Variants in ORMDL1 observed in about 807,000 individuals in gnomAD.
ORMDL1 encodes ORMDL sphingolipid biosynthesis regulator 1, also known as ORM1-like protein 1.
ORMDL1 carries 10 observed loss-of-function variants against 13.0 expected under a neutral mutation model. The ratio of observed to expected loss-of-function variants is 0.77; its 90% CI spans 0.47 to 1.30. ORMDL1 has a LOEUF of 1.30. Among genes scored for constraint, ORMDL1 ranks in the 50% most tolerant of loss-of-function variants. ORMDL1 has a pLI of 0.00. For missense variants in ORMDL1, 171 were observed against 186.7 expected (o/e 0.92, Z 0.49); for synonymous variants, 61 against 63.9 (o/e 0.95, Z 0.22).
rs772014917 is a variant in ORMDL1, at chr2:189,782,615, A to G, written c.-7-13T>C. On this transcript the variant is annotated splice_polypyrimidine_tract_variant and intron_variant, in intron 2 of 4. Coordinates refer to ENST00000392349, the MANE Select transcript of ORMDL1 (RefSeq NM_016467.5). ...GTTCATGTTTGCTCTGTAGGAAGTA[A>G]TGAAATGAATCAACACTGATACAAC... 6.2e-7 allele frequency: 1 copy of G among 1,609,570 alleles called. No homozygotes were observed. The highest frequency in any genetic ancestry group is 1.7e-5 in the Admixed American group (1 of 59,836).
the ORMDL1 span, chr2:189,763,940 G>A: frequency 6.6e-6 from 1 of 152,160 alleles, no homozygotes; most frequent in Non-Finnish European, 1.5e-5. Context: ...GTGGCACTAT[G>A]TACCAGGCAC....
chr2:189,773,943 G>A (rs1022803911), intron 4 of ORMDL1: 7 of 152,102 alleles, frequency 4.6e-5, no homozygotes, highest in African/African-American at 1.7e-4. Flanking sequence ...GTACATCTCA[G>A]TTGGCTTTTT....
At chr2:189,775,836 T>G in intron 3 of ORMDL1, 120 bp from the exon 4 acceptor site, 1 of 886,562 alleles carries the variant, frequency 1.1e-6, no homozygotes. Context: ...GAGTTCGTTT[T>G]AAGCTTTCAT....
In ORMDL1 at chr2:189,775,692, C is replaced by G. The variant is rs2047679019; in HGVS notation, c.199G>C (p.Val67Leu). The change falls in exon 4 of 5, where the codon GTG becomes CTG. Residue 67 changes from valine (V) to leucine (L), a missense_variant. By Grantham distance (32) the Val-to-Leu change is conservative (BLOSUM62 1). Coordinates refer to ENST00000392349, the MANE Select transcript of ORMDL1 (RefSeq NM_016467.5). ...GGAGTTTCGAAAGGTGTTCCTTTCACTGCATGCAAAAATACGTACATCCCC... is the reference window on the plus strand; with the variant it reads ...GGAGTTTCGAAAGGTGTTCCTTTCAGTGCATGCAAAAATACGTACATCCCC... ...NLGMYVFLHA[V>L]KGTPFETPDQ... The G allele has an allele frequency of 1.2e-6, 2 of 1,613,118 alleles. No homozygotes were observed. The highest frequency in any genetic ancestry group is 3.3e-5 in the Admixed American group (2 of 59,798).
At chr2:189,778,866 G>C (rs2047758801) in intron 3 of ORMDL1, among the ~76,000 whole-genome samples, 1 of 152,140 alleles carries the variant, frequency 6.6e-6, no homozygotes, top group South Asian at 2.1e-4. Context: ...CTGCACTCCA[G>C]CCTGGATGAC....
chr2:189,779,454 T>C (rs918398367), intron 3 of ORMDL1, among the ~76,000 whole-genome samples: 7 of 152,200 alleles, frequency 4.6e-5, no homozygotes, highest in Non-Finnish European at 1.0e-4. Context: ...AAAGAAAATA[T>C]AGTAGAAAAG....
chr2:189,775,157 G>C (rs1329113326), intron 4 of ORMDL1: 1 of 154,230 alleles, frequency 6.5e-6, no homozygotes, highest in Non-Finnish European at 1.4e-5. Context: ...TCTTTCCCAA[G>C]GAGTCTGAAT....
chr2:189,771,549 T>C lies in ORMDL1; in HGVS notation c.*218A>G. On this transcript the variant is annotated 3_prime_UTR_variant, in exon 5 of 5. Coordinates refer to ENST00000392349, the MANE Select transcript of ORMDL1 (RefSeq NM_016467.5). ...ATAAGCTGGGCCTGCCCAGCCTGCT[T>C]ATAAAGCCCCTCTTCAGAAATGTAC... 1 of 383,498 alleles carries C rather than the reference T, an allele frequency of 2.6e-6. No individual in the cohort carries two copies. The highest frequency in any genetic ancestry group is 4.6e-6 in the Non-Finnish European group (1 of 218,692). 23.8% of individuals were successfully genotyped at this position (383,498 alleles called of 1,614,324 possible).
At chr2:189,778,174 C>A (rs1266804551) in intron 3 of ORMDL1, 6 of 433,780 alleles carry the variant, frequency 1.4e-5, no homozygotes, top group African/African-American at 4.1e-5. Context: ...GCGGGCAGAT[C>A]ACCTGAGGTT....
rs777144857 is a variant in ORMDL1 at position 189,771,843 on chromosome 2, G to A, written c.386C>T (p.Ala129Val). 1 of 1,610,306 alleles carries A rather than the reference G, an allele frequency of 6.2e-7. No individual in the cohort carries two copies. Among genetic ancestry groups the A allele is most frequent in the South Asian group, 1.1e-5 (1 of 90,860 alleles). ...GGGAATTAGTACACTCAGGAGAGAA[G>A]CTGTGTTTAGGATGAAGTGAGTTGG... Reference protein sequence around the residue: ...YDPTHFILNTASLLSVLIPKM... With the variant: ...YDPTHFILNTVSLLSVLIPKM... Residue 129 changes from alanine (A) to valine (V), a missense_variant, in exon 5 of 5, where the codon GCT becomes GTT. Transcript: ENST00000392349.
chr2:189,765,618 G>A (rs1345309657), downstream of ORMDL1: 1 of 152,116 alleles, frequency 6.6e-6, no homozygotes, highest in East Asian at 1.9e-4. Context: ...GAGTTTGCTG[G>A]TCATTATCTT....
chr2:189,765,950 C>CT (rs2047477211), downstream of ORMDL1, among the ~76,000 whole-genome samples: 1 of 150,462 alleles, frequency 6.6e-6, no homozygotes, highest in African/African-American at 2.5e-5. Context: ...CCCCAGCCTC[C>CT]TGAGTAGCTG....
chr2:189,780,517 T>G (rs1416749038), intron 3 of ORMDL1, among the ~76,000 whole-genome samples: 1 of 152,054 alleles, frequency 6.6e-6, no homozygotes, highest in Non-Finnish European at 1.5e-5. Context: ...TAAAAATAAA[T>G]AGGAGCATCC....
downstream of ORMDL1, among the ~76,000 whole-genome samples, chr2:189,768,147 A>G (rs1262790639): frequency 2.0e-5 from 3 of 152,220 alleles, no homozygotes; most frequent in African/African-American, 7.2e-5. Context: ...TTTTGACACA[A>G]CAAAGGAGAG....
downstream of ORMDL1, among the ~76,000 whole-genome samples, chr2:189,768,327 A>G (rs1231721589): frequency 6.6e-6 from 1 of 152,186 alleles, no homozygotes; most frequent in African/African-American, 2.4e-5. Flanking sequence ...TTTTCTGTCT[A>G]TCCTGTTAGA....
chr2:189,782,698 T>G (rs1211888518), intron 2 of ORMDL1, 96 bp from the exon 3 acceptor site: 1 of 1,151,096 alleles, frequency 8.7e-7, no homozygotes, highest in East Asian at 2.4e-5. Context: ...CGAGGATTAT[T>G]TTTTCCTAGT....
chr2:189,769,060 A>G (rs1372770694), downstream of ORMDL1, among the ~76,000 whole-genome samples: 1 of 152,136 alleles, frequency 6.6e-6, no homozygotes, highest in Non-Finnish European at 1.5e-5. Context: ...ACAGAACTAA[A>G]TGGAAGGGTG....
intron 3 of ORMDL1, chr2:189,778,095 G>C: frequency 4.5e-6 from 2 of 440,352 alleles, no homozygotes; most frequent in South Asian, 3.2e-5. Flanking sequence ...ACACGGTTAG[G>C]GGGTGGTGGT....
Position 189,782,500 on chromosome 2 carries a change from C to A in ORMDL1, c.96G>T (p.Leu32Phe). ...MWLTYALGVG[L>F]LHIVLLSIPF... ...GAATGCTGAGTAAGACAATATGAAG[C>A]AAGCCAACTCCCAATGCATATGTCA... Residue 32 changes from leucine (L) to phenylalanine (F), a missense_variant, in exon 3 of 5, where the codon TTG (leucine) becomes TTT (phenylalanine). Transcript: ENST00000392349. 6.2e-7 allele frequency: 1 copy of A among 1,614,164 alleles called. No individual in the cohort carries two copies. The highest frequency in any genetic ancestry group is 8.5e-7 in the Non-Finnish European group (1 of 1,180,018).
Sources: allele counts gnomAD v4.1 joint callset (sites outside exome capture counted in the v4.1 genomes callset), GRCh38; gene constraint gnomAD v4.1.1; transcripts MANE v1.5; gene names NCBI Gene and HGNC (gene_info 2026-07-23, HGNC 2026-07-21).